Variants in UBR4 observed in about 807,000 individuals in gnomAD.
UBR4 encodes E3 ubiquitin-protein ligase UBR4.
A neutral mutation model predicts 575.6 loss-of-function variants in UBR4; 124 were observed. That is an observed-to-expected ratio of 0.22 (90% CI 0.19 to 0.25). UBR4 has a LOEUF of 0.25. UBR4 is among the 10% of genes least tolerant of loss of function. UBR4 has a pLI of 1.00. For missense variants in UBR4, 4,818 were observed against 6,478.8 expected (o/e 0.74, Z 8.80); for synonymous variants, 2,455 against 2,473.7 (o/e 0.99, Z 0.22).
rs1229134897 is a variant in UBR4, at chr1:19,164,672, G to C, written c.4511+127C>G. 5 of 1,297,594 alleles carry C rather than the reference G, an allele frequency of 3.9e-6. No homozygotes were observed. In the African/African-American group the frequency reaches 7.4e-5, roughly 19 times the overall value. The allele number at this position is 1,297,594 out of a possible 1,614,324, so 80.4% of individuals were successfully genotyped here. ...CAAGGAGCTACACTAGAATCCTTGA[G>C]TCTAGAGAGAGGTAGATACAAAAAT... On this transcript the variant is annotated intron_variant, in intron 32 of 105. Coordinates refer to ENST00000375254, the MANE Select transcript of UBR4 (RefSeq NM_020765.3).
At chr1:19,151,528 A>C in intron 48 of UBR4, 115 bp downstream of exon 48, 1 of 1,143,904 alleles carries the variant, frequency 8.7e-7, no homozygotes, top group Non-Finnish European at 1.3e-6. Context: ...TGATGAAAGG[A>C]CAGAAAAATC....
chr1:19,148,753 C>A, intron 49 of UBR4, 127 bp from the exon 50 acceptor site: 7 of 954,196 alleles, frequency 7.3e-6, no homozygotes, highest in East Asian at 5.0e-5. Flanking sequence ...AATCAAAGCA[C>A]AATAAGACCT....
intron 84 of UBR4, 68 bp downstream of exon 84, chr1:19,105,664 TC>T: frequency 8.4e-7 from 1 of 1,189,130 alleles, no homozygotes; most frequent in Admixed American, 3.1e-5. Flanking sequence ...ATCCATGGAT[TC>T]CCCGGGGAAG....
chr1:19,141,591 A>G (rs2083945423), intron 56 of UBR4, 56 bp downstream of exon 56: 1 of 1,606,164 alleles, frequency 6.2e-7, no homozygotes, highest in Admixed American at 1.7e-5. Context: ...ACTGAATAAG[A>G]GCTAGAGGAG....
chr1:19,144,971 G>C, intron 53 of UBR4, 64 bp from the exon 54 acceptor site: 1 of 1,594,914 alleles, frequency 6.3e-7, no homozygotes, highest in Non-Finnish European at 8.6e-7. Context: ...TTGAGAGTCT[G>C]AGACAAAAGT....
At chr1:19,175,816 AG>A (rs1473482697) in intron 20 of UBR4, among the ~76,000 whole-genome samples, 3 of 152,040 alleles carry the variant, frequency 2.0e-5, no homozygotes, top group Non-Finnish European at 4.4e-5. Flanking sequence ...TTTTTGAGAC[AG>A]GGGTCTCACT....
intron 81 of UBR4, 43 bp from the exon 82 acceptor site, chr1:19,107,009 C>T (rs1404970360): frequency 1.1e-5 from 18 of 1,605,568 alleles, no homozygotes; most frequent in Non-Finnish European, 1.5e-5. Context: ...CTCAAGGGCA[C>T]ACCTGAGCCA....
chr1:19,126,709 G>A, intron 63 of UBR4, 54 bp from the exon 64 acceptor site: 1 of 1,584,934 alleles, frequency 6.3e-7, no homozygotes, highest in Non-Finnish European at 8.6e-7. Flanking sequence ...AAAACAATGT[G>A]AAATCCAGGT....
intron 8 of UBR4, among the ~76,000 whole-genome samples, chr1:19,195,373 A>C (rs1341123351): frequency 1.3e-5 from 2 of 151,930 alleles, no homozygotes; most frequent in African/African-American, 4.8e-5. Flanking sequence ...TTTCTCAAAG[A>C]CATCATAGCC....
chr1:19,191,486 A>G (rs2092077996), intron 11 of UBR4, among the ~76,000 whole-genome samples: 1 of 152,118 alleles, frequency 6.6e-6, no homozygotes, highest in Admixed American at 6.5e-5. Flanking sequence ...AAATAAAATA[A>G]TAAAAGCCCC....
chr1:19,193,420 A>T lies in UBR4; in HGVS notation c.1143+13T>A. The T allele has an allele frequency of 7.4e-6, 12 of 1,613,276 alleles. No homozygotes were observed. The highest frequency in any genetic ancestry group is 1.0e-5 in the Non-Finnish European group (12 of 1,179,522). ...ACAATCAAGGTTCCCTTATCCCCAG[A>T]TCTTTGGCTTACACATTTCTGGACA... On this transcript the variant is annotated intron_variant, in intron 9 of 105. Transcript: ENST00000375254.
In UBR4 at chr1:19,078,061, G is replaced by A. The variant is rs1254724811; in HGVS notation, c.15239C>T (p.Thr5080Ile). 6.2e-7 allele frequency: 1 copy of A among 1,613,910 alleles called. No homozygotes were observed. Among genetic ancestry groups the A allele is most frequent in the East Asian group, 2.2e-5 (1 of 44,870 alleles). ...GGAATAGTCCTTCACTGCCTTATCT[G>A]TCAGCCTGGAAAAGAAAATCCAGTT... ...AVAPGGATRL[T>I]DKAVKDYSAY... The change falls in exon 104 of 106, where the codon ACA (threonine) becomes ATA (isoleucine). Residue 5080 changes from threonine (T) to isoleucine (I), a missense_variant. Thr to Ile is a moderately conservative substitution (Grantham distance 89). Coordinates refer to ENST00000375254, the MANE Select transcript of UBR4 (RefSeq NM_020765.3).
chr1:19,082,682 A>G (rs940103988), intron 102 of UBR4, among the ~76,000 whole-genome samples: 2 of 152,210 alleles, frequency 1.3e-5, no homozygotes, highest in African/African-American at 4.8e-5. Flanking sequence ...ACTGGCACAG[A>G]TGCTGGACTC....
At position 19,093,362 on chromosome 1, in the gene UBR4, T is replaced by C. The variant is rs1206461256; in HGVS notation, c.14062A>G (p.Thr4688Ala). The C allele has an allele frequency of 3.1e-6, 5 of 1,614,218 alleles. No homozygotes were observed. Among genetic ancestry groups the C allele is most frequent in the Non-Finnish European group, 4.2e-6 (5 of 1,180,044 alleles). ...LKDLILQKGITQNALDYMKKH... is the reference protein window; with the variant it reads ...LKDLILQKGIAQNALDYMKKH... ...TTCATGTAGTCAAGTGCATTCTGGGTGATCCCCTTCTGGAGAATCAGATCC... is the reference window on the plus strand; with the variant it reads ...TTCATGTAGTCAAGTGCATTCTGGGCGATCCCCTTCTGGAGAATCAGATCC... The change falls in exon 96 of 106, where the codon ACC (threonine) becomes GCC (alanine). Residue 4688 changes from threonine to alanine, a missense_variant. This residue lies in a region of UBR4 where 165 missense variants were observed against 282.3 expected (regional missense o/e 0.58). Transcript: ENST00000375254. This position sits in a 1 kb window ranked among gnomAD's most constrained non-coding sequence, Gnocchi z 4.8.
intron 65 of UBR4, 54 bp from the exon 66 acceptor site, chr1:19,123,114 C>A: frequency 1.3e-6 from 2 of 1,573,416 alleles, no homozygotes; most frequent in South Asian, 1.1e-5. Flanking sequence ...GTATCTATAT[C>A]AACTGTGGCT....
intron 93 of UBR4, 81 bp from the exon 94 acceptor site, chr1:19,095,106 C>T: frequency 6.3e-7 from 1 of 1,599,132 alleles, no homozygotes; most frequent in Admixed American, 1.7e-5. Flanking sequence ...TCAAGGATGC[C>T]CTCACAGCCT....
chr1:19,157,819 C>T lies in UBR4; in HGVS notation c.5756G>A (p.Gly1919Asp), dbSNP rs1411758607. ...RQHLAVSHEK[G>D]KITVLQLSAL... is the part of the protein sequence containing the mutation. ...CACAAGAATTGGAGGACCCACCTTGCCCTTCTCATGGCTGACAGCCAAATG... is the reference window on the plus strand; with the variant it reads ...CACAAGAATTGGAGGACCCACCTTGTCCTTCTCATGGCTGACAGCCAAATG... Residue 1919 changes from glycine to aspartate, a missense_variant, in exon 40 of 106, where the codon GGC (glycine) becomes GAC (aspartate). Transcript: ENST00000375254. The surrounding 1 kb of genome is among the most constrained non-coding windows in gnomAD (Gnocchi z 4.4). The T allele has an allele frequency of 1.2e-6, 2 of 1,613,972 alleles. No homozygotes were observed. Among genetic ancestry groups the T allele is most frequent in the Non-Finnish European group, 1.7e-6 (2 of 1,179,858 alleles).
chr1:19,175,941 G>A (rs189265530), intron 20 of UBR4, among the ~76,000 whole-genome samples: 3 of 152,088 alleles, frequency 2.0e-5, no homozygotes, highest in Admixed American at 6.6e-5. Context: ...CCACAGGCAC[G>A]TGCCACCATG....
At chr1:19,210,031 C>G in intron 1 of UBR4, 42 bp downstream of exon 1, 2 of 1,503,340 alleles carry the variant, frequency 1.3e-6, no homozygotes, top group Non-Finnish European at 1.8e-6. Context: ...GAAATCCCCT[C>G]CCCCCACAAC....
Sources: gnomAD v4.1 joint callset for allele counts (sites outside exome capture counted in the v4.1 genomes callset) on GRCh38, gnomAD v4.1.1 for gene constraint, gnomAD v4.1.1 regional missense constraint, Gnocchi (gnomAD v3.1) non-coding constraint, MANE v1.5 for transcripts, NCBI Gene and HGNC (gene_info 2026-07-23, HGNC 2026-07-21) for gene names.